The following GNB1L variants were observed in gnomAD, a reference collection of about 807,000 sequenced individuals.
GNB1L encodes the protein guanine nucleotide-binding protein subunit beta-like protein 1.
Under a neutral mutation model 29.1 loss-of-function variants are expected in GNB1L, and 20 were observed. That is an observed-to-expected ratio of 0.69 (90% CI 0.48 to 1.00). The LOEUF is 1.00. Among genes scored for constraint, GNB1L ranks in the 50% least tolerant of loss-of-function variants. GNB1L has a pLI of 0.00. For synonymous variants in GNB1L, 193 were observed against 206.5 expected (o/e 0.93, Z 0.56); for missense variants, 421 against 464.9 (o/e 0.91, Z 0.87).
intron 2 of GNB1L, among the ~76,000 whole-genome samples, chr22:19,828,044 T>C (rs2145887436): frequency 6.6e-6 from 1 of 152,252 alleles, no homozygotes; most frequent in Admixed American, 6.5e-5. Context: ...ATAATTCTCA[T>C]CAAGAGACAT....
chr22:19,852,224 A>G (rs1384340340), intron 2 of GNB1L: 1 of 1,612,480 alleles, frequency 6.2e-7, no homozygotes, highest in African/African-American at 1.3e-5. Context: ...CCAGATGGGA[A>G]TGCGAGGGCC....
At chr22:19,850,064 C>T in intron 2 of GNB1L, 1 of 985,624 alleles carries the variant, frequency 1.0e-6, no homozygotes, top group Non-Finnish European at 1.2e-6. Flanking sequence ...TGCAGAGCCA[C>T]CCACCCCCTA....
chr22:19,804,993 C>T (rs957751021), intron 6 of GNB1L, among the ~76,000 whole-genome samples: 3 of 152,198 alleles, frequency 2.0e-5, no homozygotes, highest in African/African-American at 4.8e-5. Flanking sequence ...TTCCTCCCAG[C>T]GGAGCCCATG....
Position 19,784,476 on chromosome 22 carries a change from T to C in GNB1L, c.*4233A>G, listed in dbSNP as rs1336948169. On this transcript the variant is annotated 3_prime_UTR_variant, in exon 8 of 8. Coordinates refer to ENST00000329517, the MANE Select transcript of GNB1L (RefSeq NM_053004.3). Reference sequence around the variant, plus strand: ...CTGGTCCCAGACCCAGGGCCGTCTGTTGGCCTGCAGGTAACACGCAGGGAG... The same window carrying C: ...CTGGTCCCAGACCCAGGGCCGTCTGCTGGCCTGCAGGTAACACGCAGGGAG... 1 of 152,168 alleles carries C rather than the reference T, an allele frequency of 6.6e-6. No individual in the cohort carries two copies. Among genetic ancestry groups the C allele is most frequent in the Non-Finnish European group, 1.5e-5 (1 of 68,072 alleles). The allele number at this position is 152,168 out of a possible 1,614,324, so 9.4% of individuals were successfully genotyped here.
At chr22:19,814,184 A>G (rs1019094545) in intron 4 of GNB1L, among the ~76,000 whole-genome samples, 6 of 152,176 alleles carry the variant, frequency 3.9e-5, no homozygotes, top group African/African-American at 9.7e-5. Flanking sequence ...CCAGCTTCCT[A>G]TATTCCAATT....
intron 2 of GNB1L, chr22:19,848,505 TGGAA>T (rs1938018751): frequency 1.0e-6 from 1 of 985,392 alleles, no homozygotes; most frequent in African/African-American, 1.7e-5. Context: ...ACTGCCTGTC[TGGAA>T]GGCCATGCCA....
intron 4 of GNB1L, among the ~76,000 whole-genome samples, chr22:19,819,973 G>A (rs1226291103): frequency 3.3e-5 from 5 of 152,164 alleles, no homozygotes; most frequent in Non-Finnish European, 7.4e-5. Context: ...GCCGTATGTG[G>A]CACAACATCA....
intron 7 of GNB1L, among the ~76,000 whole-genome samples, chr22:19,794,080 C>T (rs569266313): frequency 6.6e-6 from 1 of 152,102 alleles, no homozygotes; most frequent in South Asian, 2.1e-4. Context: ...AGTTCAAGGC[C>T]AGCCTGGGCA....
intron 7 of GNB1L, among the ~76,000 whole-genome samples, chr22:19,798,034 G>A (rs540289434): frequency 1.3e-5 from 2 of 152,292 alleles, no homozygotes; most frequent in South Asian, 2.1e-4. Flanking sequence ...GTTGGCAACC[G>A]CAAGCCCAGG....
intron 6 of GNB1L, among the ~76,000 whole-genome samples, 161 bp from the exon 7 acceptor site, chr22:19,802,377 G>C (rs898430475): frequency 4.6e-5 from 7 of 152,196 alleles, no homozygotes; most frequent in African/African-American, 1.7e-4. Flanking sequence ...CACCGCCAGT[G>C]CCCTCCCACA....
At chr22:19,810,845 C>A (rs113110532) in intron 5 of GNB1L, among the ~76,000 whole-genome samples, 1 of 152,160 alleles carries the variant, frequency 6.6e-6, no homozygotes, top group Admixed American at 6.5e-5. Context: ...CAGGCTGCCC[C>A]GGGAAAAGAC....
intron 2 of GNB1L, among the ~76,000 whole-genome samples, chr22:19,822,638 G>A (rs746941604): frequency 2.0e-5 from 3 of 152,230 alleles, no homozygotes; most frequent in Non-Finnish European, 4.4e-5. Context: ...GGCAGGCCCC[G>A]GCCCAGCCAC....
Position 19,792,641 on chromosome 22 carries a change from C to T in GNB1L, c.733-3681G>A, listed in dbSNP as rs1937264328. The T allele has an allele frequency of 7.6e-6, 12 of 1,574,932 alleles. No individual in the cohort carries two copies. In the South Asian group the frequency reaches 1.1e-4, roughly 15 times the overall value. ...AAGAGAAGAAGCAGAGACTGTTGGC[C>T]TGGGCTGAGAAGAAAGCTGCTGGCA... On this transcript the variant is annotated intron_variant, in intron 7 of 7. Coordinates refer to ENST00000329517, the MANE Select transcript of GNB1L (RefSeq NM_053004.3).
intron 4 of GNB1L, among the ~76,000 whole-genome samples, chr22:19,813,376 G>A (rs1937513898): frequency 6.6e-6 from 1 of 152,208 alleles, no homozygotes; most frequent in Admixed American, 6.5e-5. Flanking sequence ...GTGCCAGGCA[G>A]TGAGAAATGC....
At chr22:19,817,949 C>T (rs190062883) in intron 4 of GNB1L, among the ~76,000 whole-genome samples, 5 of 152,360 alleles carry the variant, frequency 3.3e-5, no homozygotes, top group Admixed American at 1.3e-4. Flanking sequence ...CCTTGGCATG[C>T]GGGAGGCTGA....
chr22:19,834,596 T>C (rs1447853338), intron 2 of GNB1L, among the ~76,000 whole-genome samples: 1 of 152,248 alleles, frequency 6.6e-6, no homozygotes, highest in East Asian at 1.9e-4. Context: ...AAGCCTTCTA[T>C]ATTTTATTTG....
intron 4 of GNB1L, among the ~76,000 whole-genome samples, chr22:19,818,846 T>TC (rs1937555826): frequency 6.6e-6 from 1 of 152,136 alleles, no homozygotes; most frequent in Non-Finnish European, 1.5e-5. Flanking sequence ...GTCACTCTGA[T>TC]CAAGGACAAT....
intron 4 of GNB1L, among the ~76,000 whole-genome samples, chr22:19,818,970 C>T (rs1315628280): frequency 6.6e-6 from 1 of 152,198 alleles, no homozygotes; most frequent in Non-Finnish European, 1.5e-5. Context: ...ACAGAGAAGC[C>T]CCTCACGCAC....
intron 2 of GNB1L, chr22:19,850,813 G>T (rs140361322): frequency 7.7e-7 from 1 of 1,294,224 alleles, no homozygotes; most frequent in South Asian, 3.0e-5. Context: ...ACCAAGGGGG[G>T]TGTTTTATGG....
Sources: allele counts gnomAD v4.1 joint callset (sites outside exome capture counted in the v4.1 genomes callset), GRCh38; gene constraint gnomAD v4.1.1; transcripts MANE v1.5; gene names NCBI Gene and HGNC (gene_info 2026-07-23, HGNC 2026-07-21).